The following ZNF131 variants were observed in gnomAD, a reference collection of about 807,000 sequenced individuals.
ZNF131 encodes the protein zinc finger and BTB domain containing 35.
In ZNF131, 7 loss-of-function variants were observed where a neutral mutation model predicts 60.0. That is an observed-to-expected ratio of 0.12 (90% CI 0.07 to 0.22). The LOEUF (loss-of-function observed/expected upper bound fraction) is 0.22. Ranked by LOEUF, ZNF131 falls within the 10% of genes least tolerant of loss-of-function variation. The pLI, the probability that ZNF131 is intolerant of heterozygous loss-of-function variation, is 1.00. For missense variants in ZNF131, 493 were observed against 740.9 expected (o/e 0.67, Z 3.88); for synonymous variants, 257 against 253.2 (o/e 1.01, Z -0.14).
At chr5:43,165,974 A>G (rs139924565) in intron 5 of ZNF131, among the ~76,000 whole-genome samples, 1 of 152,342 alleles carries the variant, frequency 6.6e-6, no homozygotes, top group Admixed American at 6.5e-5. Context: ...TTGCACTTTT[A>G]TGTTATAGAA....
At chr5:43,131,886 C>T (rs886893352) in intron 3 of ZNF131, among the ~76,000 whole-genome samples, 1 of 151,494 alleles carries the variant, frequency 6.6e-6, no homozygotes, top group African/African-American at 2.4e-5. Flanking sequence ...CATGTATCTT[C>T]AAACTTTTCC....
intron 4 of ZNF131, among the ~76,000 whole-genome samples, chr5:43,140,926 C>A (rs1746741446): frequency 1.3e-5 from 2 of 152,112 alleles, no homozygotes; most frequent in South Asian, 2.1e-4. Flanking sequence ...GCCATGTTGC[C>A]CAGGCTGGTC....
chr5:43,173,534 C>A, intron 6 of ZNF131, 86 bp downstream of exon 6: 2 of 1,505,214 alleles, frequency 1.3e-6, no homozygotes, highest in Non-Finnish European at 1.8e-6. Context: ...GAGTCTCAAG[C>A]AAAGGTATAG....
intron 3 of ZNF131, among the ~76,000 whole-genome samples, chr5:43,136,655 T>TC (rs1746153942): frequency 4.1e-5 from 6 of 147,534 alleles, no homozygotes; most frequent in Admixed American, 2.0e-4. Flanking sequence ...TTTTTCTTTT[T>TC]TTTTTTTTTT....
chr5:43,147,356 T>G (rs1318816428), intron 4 of ZNF131, among the ~76,000 whole-genome samples: 1 of 152,136 alleles, frequency 6.6e-6, no homozygotes, highest in Non-Finnish European at 1.5e-5. Flanking sequence ...GGTATGTGTA[T>G]GTTTAACTTT....
chr5:43,127,207 AATAATGACTTAGC>A (rs758669442), intron 3 of ZNF131, among the ~76,000 whole-genome samples: 1 of 152,196 alleles, frequency 6.6e-6, no homozygotes, highest in Non-Finnish European at 1.5e-5. Context: ...GTAAAATATA[AATAATGACTTAGC>A]ATGGCACATT....
At chr5:43,141,363 G>A (rs1245547054) in intron 4 of ZNF131, among the ~76,000 whole-genome samples, 1 of 152,100 alleles carries the variant, frequency 6.6e-6, no homozygotes, top group African/African-American at 2.4e-5. Context: ...TGGATGGGGC[G>A]ATGTCAGATT....
At chr5:43,123,540 C>T (rs1368703189) in intron 3 of ZNF131, 3 of 341,530 alleles carry the variant, frequency 8.8e-6, no homozygotes, top group Non-Finnish European at 1.1e-5. Flanking sequence ...GAATGATCTG[C>T]CAGGAAAAAC....
intron 4 of ZNF131, among the ~76,000 whole-genome samples, chr5:43,148,646 A>G (rs545661598): frequency 4.6e-5 from 7 of 152,376 alleles, no homozygotes; most frequent in Admixed American, 3.9e-4. Context: ...GTTGACATAA[A>G]ACATGCTACT....
intron 6 of ZNF131, among the ~76,000 whole-genome samples, chr5:43,174,056 T>TG (rs1751309667): frequency 6.6e-6 from 1 of 152,130 alleles, no homozygotes; most frequent in South Asian, 2.1e-4. Flanking sequence ...GCTGAAACCC[T>TG]GTCTCTACTA....
At position 43,161,663 on chromosome 5, in the gene ZNF131, T is replaced by C. The variant is rs757613967; in HGVS notation, c.786T>C (p.His262=). The change falls in exon 5 of 7, where the codon CAT becomes CAC. Residue 262 remains histidine, a synonymous_variant. Transcript: ENST00000682664. The part of the protein sequence containing the change: ...LQLSHVKDLF[H]CEKCNRSFKL... ...TGTCACATGTGAAGGACTTGTTCCATTGTGAGAAATGTAACCGTTCATTTA... is the reference window on the plus strand; with the variant it reads ...TGTCACATGTGAAGGACTTGTTCCACTGTGAGAAATGTAACCGTTCATTTA... 1.3e-5 allele frequency: 21 copies of C among 1,614,128 alleles called. No individual in the cohort carries two copies. Among genetic ancestry groups the C allele is most frequent in the Non-Finnish European group, 8.5e-7 (1 of 1,180,038 alleles).
intron 4 of ZNF131, among the ~76,000 whole-genome samples, chr5:43,147,664 A>G (rs998504601): frequency 6.7e-6 from 1 of 148,418 alleles, no homozygotes; most frequent in African/African-American, 2.5e-5. Context: ...CTCGTGATCC[A>G]CCTGCCTCGG....
At chr5:43,137,270 C>G (rs2112237762) in intron 3 of ZNF131, among the ~76,000 whole-genome samples, 1 of 152,050 alleles carries the variant, frequency 6.6e-6, no homozygotes, top group Non-Finnish European at 1.5e-5. Flanking sequence ...AAAAGGAAAT[C>G]TAAGGAATGG....
intron 5 of ZNF131, among the ~76,000 whole-genome samples, chr5:43,163,575 C>A (rs1209152965): frequency 1.3e-5 from 2 of 152,210 alleles, no homozygotes; most frequent in Non-Finnish European, 2.9e-5. Flanking sequence ...TGCTCCCACT[C>A]CCCGAACAAC....
At position 43,174,813 on chromosome 5, in the gene ZNF131, G is replaced by A; in HGVS notation, c.1552G>A (p.Glu518Lys). The A allele has an allele frequency of 6.2e-7, 1 of 1,614,200 alleles. No individual in the cohort carries two copies. Among genetic ancestry groups the A allele is most frequent in the South Asian group, 1.1e-5 (1 of 91,072 alleles). ...CGATTCACACATGAGTGAGCTTCCA[G>A]AGCAGGTCCAAGTGAGTTATCTAGA... ...VHDSHMSELP[E>K]QVQVSYLEVG... The change falls in exon 7 of 7, where the codon GAG (glutamate) becomes AAG (lysine). Residue 518 changes from glutamate (E) to lysine (K), a missense_variant. Coordinates refer to ENST00000682664, the MANE Select transcript of ZNF131 (RefSeq NM_001330707.2).
At chr5:43,169,976 G>C (rs1750785835) in intron 5 of ZNF131, among the ~76,000 whole-genome samples, 1 of 152,040 alleles carries the variant, frequency 6.6e-6, no homozygotes, top group Admixed American at 6.6e-5. Flanking sequence ...ATTTTTAGTA[G>C]AGACGGGGTT....
At chr5:43,150,887 G>C (rs1405502502) in intron 4 of ZNF131, among the ~76,000 whole-genome samples, 1 of 152,138 alleles carries the variant, frequency 6.6e-6, no homozygotes, top group East Asian at 1.9e-4. Flanking sequence ...AGCAGGATTT[G>C]GGCACCCTGC....
chr5:43,157,233 A>G (rs913385911), intron 4 of ZNF131, among the ~76,000 whole-genome samples: 2 of 152,192 alleles, frequency 1.3e-5, no homozygotes, highest in East Asian at 3.8e-4. Context: ...AAACTACAGG[A>G]AGGACGGAGC....
At chr5:43,171,549 A>C (rs575968897) in intron 5 of ZNF131, among the ~76,000 whole-genome samples, 24 of 151,778 alleles carry the variant, frequency 1.6e-4, no homozygotes, top group Non-Finnish European at 3.2e-4. Context: ...CAAGAGCGAA[A>C]CTCCGTCTGA....
Sources: gnomAD v4.1 joint callset for allele counts (sites outside exome capture counted in the v4.1 genomes callset) on GRCh38, gnomAD v4.1.1 for gene constraint, MANE v1.5 for transcripts, NCBI Gene and HGNC (gene_info 2026-07-23, HGNC 2026-07-21) for gene names.